Variants in SEPTIN10 observed in about 807,000 individuals in gnomAD.
SEPTIN10 encodes septin-10.
Under a neutral mutation model 54.8 loss-of-function variants are expected in SEPTIN10, and 66 were observed. The observed-to-expected ratio is 1.21, with a 90% CI of 0.99 to 1.48. SEPTIN10 has a LOEUF of 1.48. Among genes scored for constraint, SEPTIN10 ranks in the 40% most tolerant of loss-of-function variants. The pLI is 0.00. For missense variants in SEPTIN10, 620 were observed against 545.6 expected (o/e 1.14, Z -1.36); for synonymous variants, 161 against 181.0 (o/e 0.89, Z 0.89).
chr2:109,567,016 GT>G (rs201034415), intron 6 of SEPTIN10, among the ~76,000 whole-genome samples: 3 of 151,202 alleles, frequency 2.0e-5, no homozygotes, highest in Admixed American at 1.3e-4. Context: ...ACATTAGTCA[GT>G]TTTTTTTTAC....
intron 5 of SEPTIN10, among the ~76,000 whole-genome samples, chr2:109,573,154 G>A (rs960791630): frequency 1.3e-5 from 2 of 152,042 alleles, no homozygotes; most frequent in African/African-American, 2.4e-5. Flanking sequence ...GCCTCTTGAG[G>A]TAGTTCTTCT....
intron 1 of SEPTIN10, among the ~76,000 whole-genome samples, chr2:109,610,418 TA>T (rs532745293): frequency 1.3e-5 from 2 of 150,504 alleles, no homozygotes; most frequent in Non-Finnish European, 3.0e-5. Flanking sequence ...CCTCTTCTAT[TA>T]AAAAAAAGGT....
chr2:109,561,617 A>G (rs1027116119), intron 8 of SEPTIN10, among the ~76,000 whole-genome samples: 6 of 152,028 alleles, frequency 3.9e-5, no homozygotes, highest in African/African-American at 1.4e-4. Context: ...AACCTACTCA[A>G]ACTCTTCACC....
At position 109,583,040 on chromosome 2, in the gene SEPTIN10, A is replaced by C. The variant is rs185579349; in HGVS notation, c.413+2086T>G. 2.0e-4 allele frequency among the ~76,000 whole-genome samples: 31 copies of C among 152,368 alleles called. 1 individual carries two copies. Among genetic ancestry groups the C allele is most frequent in the Admixed American group, 1.6e-3 (25 of 15,310 alleles). ...ACAAAAATTAACTCAAGATGGATTA[A>C]AGACTGAAATGTAAGACCTCAAATA... On this transcript the variant is annotated intron_variant, in intron 4 of 10. Transcript: ENST00000397712.
intron 1 of SEPTIN10, among the ~76,000 whole-genome samples, chr2:109,597,259 A>G (rs548114350): frequency 7.2e-5 from 11 of 152,364 alleles, no homozygotes; most frequent in African/African-American, 2.6e-4. Context: ...TTTTTAATAA[A>G]TTAGCAGGAA....
In SEPTIN10 at chr2:109,567,983, A is replaced by G; in HGVS notation, c.601-7T>C. 6.4e-7 allele frequency: 1 copy of G among 1,562,808 alleles called. No individual in the cohort carries two copies. Among genetic ancestry groups the G allele is most frequent in the Non-Finnish European group, 8.7e-7 (1 of 1,154,992 alleles). On this transcript the variant is annotated splice_region_variant and splice_polypyrimidine_tract_variant and intron_variant, in intron 5 of 10. Coordinates refer to ENST00000397712, the MANE Select transcript of SEPTIN10 (RefSeq NM_144710.5). ...TCACTGGTATAATGTTTACCTATTA[A>G]GAATAAAGAAAAACAAAATCTTACT...
chr2:109,549,038 G>C (rs867017780), intron 9 of SEPTIN10, among the ~76,000 whole-genome samples: 5 of 152,170 alleles, frequency 3.3e-5, no homozygotes, highest in Middle Eastern at 3.2e-3. Flanking sequence ...TTTCAGAGAA[G>C]CATCAGTTCC....
In SEPTIN10 at chr2:109,577,321, G is replaced by C. The variant is rs575573349; in HGVS notation, c.414-2554C>G. Among the ~76,000 whole-genome samples, 181 of 152,242 alleles carry C rather than the reference G, an allele frequency of 1.2e-3. 1 individual carries two copies. Among genetic ancestry groups the C allele is most frequent in the African/African-American group, 4.3e-3 (179 of 41,518 alleles). On this transcript the variant is annotated intron_variant, in intron 4 of 10. Transcript: ENST00000397712. ...GTTAAAAAATAGAGAACTCGGCCGG[G>C]CATGGTGGCTCACTGTAATTCCAGC... is the stretch of plus-strand genomic sequence containing the variant.
chr2:109,602,705 C>T (rs757829172), intron 1 of SEPTIN10, among the ~76,000 whole-genome samples: 5 of 145,606 alleles, frequency 3.4e-5, no homozygotes, highest in Non-Finnish European at 7.5e-5. Context: ...AAAAGGATTA[C>T]TAGATGGCTC....
chr2:109,562,358 C>T (rs1301285536), intron 8 of SEPTIN10, among the ~76,000 whole-genome samples: 1 of 151,956 alleles, frequency 6.6e-6, no homozygotes, highest in Non-Finnish European at 1.5e-5. Flanking sequence ...CTTGGTCTCC[C>T]CACTTCCACC....
chr2:109,583,503 G>A (rs1691708724), intron 4 of SEPTIN10, among the ~76,000 whole-genome samples: 1 of 152,194 alleles, frequency 6.6e-6, no homozygotes, highest in Admixed American at 6.5e-5. Context: ...TACTGGCGGG[G>A]CTGTAGAGAA....
intron 1 of SEPTIN10, among the ~76,000 whole-genome samples, chr2:109,601,862 G>A (rs758538723): frequency 3.9e-5 from 6 of 152,012 alleles, no homozygotes; most frequent in Non-Finnish European, 8.8e-5. Context: ...TATGAGTCAA[G>A]GAAATATGAC....
At chr2:109,553,903 A>G (rs1268204288) in intron 8 of SEPTIN10, among the ~76,000 whole-genome samples, 1 of 152,118 alleles carries the variant, frequency 6.6e-6, no homozygotes, top group Non-Finnish European at 1.5e-5. Flanking sequence ...ACAAGTGCTC[A>G]CCTAATGCCA....
At chr2:109,547,259 ACTGTT>A (rs1264619699) in intron 9 of SEPTIN10, among the ~76,000 whole-genome samples, 2 of 152,018 alleles carry the variant, frequency 1.3e-5, no homozygotes, top group Non-Finnish European at 2.9e-5. Flanking sequence ...GTAAAAATTA[ACTGTT>A]CTTTGTTGAA....
At chr2:109,593,409 C>CTTTTTTTTTTTTTTTT (rs766138431) in intron 1 of SEPTIN10, among the ~76,000 whole-genome samples, 1 of 133,804 alleles carries the variant, frequency 7.5e-6, no homozygotes, top group African/African-American at 2.8e-5. Context: ...AGAGAAAGAA[C>CTTTTTTTTTTTTTTTT]TTTTTTTTTT....
At chr2:109,552,941 T>C (rs947002202) in intron 9 of SEPTIN10, 146 bp downstream of exon 9, 3 of 898,426 alleles carry the variant, frequency 3.3e-6, no homozygotes, top group Non-Finnish European at 5.0e-6. Context: ...TCTAAGTCAA[T>C]ATTCAAATAC....
chr2:109,550,322 T>C (rs1313248702), intron 9 of SEPTIN10, among the ~76,000 whole-genome samples: 1 of 148,688 alleles, frequency 6.7e-6, no homozygotes, highest in African/African-American at 2.6e-5. Flanking sequence ...TTTTTTTTTT[T>C]TGTTTTTTGA....
At chr2:109,597,494 A>T (rs922000124) in intron 1 of SEPTIN10, among the ~76,000 whole-genome samples, 2 of 152,242 alleles carry the variant, frequency 1.3e-5, no homozygotes, top group African/African-American at 4.8e-5. Context: ...TCAGAGAAAC[A>T]TGAATGCACA....
chr2:109,605,107 G>T (rs1697635218), intron 1 of SEPTIN10, among the ~76,000 whole-genome samples: 1 of 152,168 alleles, frequency 6.6e-6, no homozygotes. Flanking sequence ...CACTTCTCTT[G>T]AAGTTTCCAT....
Sources: gnomAD v4.1 joint callset for allele counts (sites outside exome capture counted in the v4.1 genomes callset) on GRCh38, gnomAD v4.1.1 for gene constraint, MANE v1.5 for transcripts, NCBI Gene and HGNC (gene_info 2026-07-23, HGNC 2026-07-21) for gene names.